The following TAF4 variants were observed in gnomAD, a reference collection of about 807,000 sequenced individuals.
The protein encoded by TAF4 is transcription initiation factor TFIID subunit 4.
Under a neutral mutation model 90.3 loss-of-function variants are expected in TAF4, and 9 were observed. The ratio of observed to expected loss-of-function variants is 0.10; its 90% CI spans 0.06 to 0.17. The LOEUF is 0.17. Ranked by LOEUF, TAF4 falls within the 10% of genes least tolerant of loss-of-function variation. The pLI, the probability that TAF4 is intolerant of heterozygous loss-of-function variation, is 1.00. For missense variants in TAF4, 1,351 were observed against 1,370.7 expected, an observed-to-expected ratio of 0.99 and a Z score of 0.23; for synonymous variants, 818 against 638.9, an observed-to-expected ratio of 1.28 and a Z score of -4.23.
At chr20:62,000,098 G>A (rs192906108) in intron 11 of TAF4, 26 bp downstream of exon 11, 24 of 1,614,168 alleles carry the variant, frequency 1.5e-5, no homozygotes, top group African/African-American at 5.3e-5. Flanking sequence ...ACATAAAGAC[G>A]CTCTCCTCGG....
chr20:62,007,510 C>T (rs1297799014), intron 6 of TAF4, 37 bp downstream of exon 6: 1 of 1,599,228 alleles, frequency 6.3e-7, no homozygotes, highest in South Asian at 1.1e-5. Context: ...CCCTCCCTGG[C>T]CCTACTGCTC....
intron 14 of TAF4, among the ~76,000 whole-genome samples, chr20:61,983,660 C>A (rs948381711): frequency 6.6e-6 from 1 of 152,036 alleles, no homozygotes; most frequent in Non-Finnish European, 1.5e-5. Context: ...GAAACCATGT[C>A]TCAAAAGATA....
chr20:62,028,542 G>T (rs1049664476), intron 1 of TAF4, among the ~76,000 whole-genome samples: 1 of 152,150 alleles, frequency 6.6e-6, no homozygotes, highest in Non-Finnish European at 1.5e-5. Context: ...GAACCATCCC[G>T]AGAACACTGC....
intron 9 of TAF4, 143 bp from the exon 10 acceptor site, chr20:62,000,864 T>A (rs770943775): frequency 1.8e-5 from 14 of 787,232 alleles, no homozygotes; most frequent in Non-Finnish European, 2.6e-5. Context: ...CTGCACCTGC[T>A]GCATCTGCCA....
In TAF4 at chr20:61,984,476, G is replaced by A. The variant is rs115000327; in HGVS notation, c.3091-8141C>T. On this transcript the variant is annotated intron_variant, in intron 14 of 14. Coordinates refer to ENST00000252996, the MANE Select transcript of TAF4 (RefSeq NM_003185.4). ...TGATGGCATCACCTGTCACCGTGTC[G>A]ACAGCCCAGATGTGCACACGAGAGA... 8.4e-3 allele frequency among the ~76,000 whole-genome samples: 1,282 copies of A among 152,156 alleles called. 25 individuals carry two copies. Among genetic ancestry groups the A allele is most frequent in the African/African-American group, 0.029 (1,218 of 41,452 alleles).
intron 1 of TAF4, among the ~76,000 whole-genome samples, chr20:62,056,493 T>C (rs1238650258): frequency 6.6e-6 from 1 of 152,072 alleles, no homozygotes; most frequent in African/African-American, 2.4e-5. Flanking sequence ...CACACACAGT[T>C]AGACATGAAG....
At chr20:62,046,775 T>C (rs1280367090) in intron 1 of TAF4, among the ~76,000 whole-genome samples, 3 of 152,230 alleles carry the variant, frequency 2.0e-5, no homozygotes, top group Non-Finnish European at 4.4e-5. Context: ...TAGGTGGGTG[T>C]GTTATCAGCC....
intron 1 of TAF4, among the ~76,000 whole-genome samples, chr20:62,027,236 C>T (rs771187189): frequency 5.3e-5 from 8 of 152,152 alleles, no homozygotes; most frequent in Non-Finnish European, 1.0e-4. Context: ...AAGCCAGCCT[C>T]GCAGCCCTGA....
chr20:62,014,019 GGT>G (rs56759835), intron 2 of TAF4, among the ~76,000 whole-genome samples: 3,109 of 126,160 alleles, frequency 0.025, 114 homozygotes, highest in African/African-American at 0.097. Flanking sequence ...CGGGGGTGTG[GGT>G]GTGTGTGTGT....
intron 2 of TAF4, among the ~76,000 whole-genome samples, chr20:62,014,022 GTGTGTGT>G (rs2055797274): frequency 1.6e-4 from 14 of 88,648 alleles, no homozygotes; most frequent in Admixed American, 3.3e-4. Context: ...GGGTGTGGGT[GTGTGTGT>G]GTGTGTGTGT....
chr20:61,990,290 T>G (rs2055623387), intron 14 of TAF4, among the ~76,000 whole-genome samples: 1 of 152,194 alleles, frequency 6.6e-6, no homozygotes, highest in Admixed American at 6.5e-5. Flanking sequence ...TGCACGGAGC[T>G]CCTTACTCTG....
intron 1 of TAF4, among the ~76,000 whole-genome samples, chr20:62,062,609 G>A (rs1459675433): frequency 6.6e-6 from 1 of 152,094 alleles, no homozygotes; most frequent in Non-Finnish European, 1.5e-5. Flanking sequence ...CAGGAATCAC[G>A]CACAGTCAAC....
chr20:62,018,665 A>C (rs1443031427), intron 1 of TAF4, among the ~76,000 whole-genome samples: 1 of 152,204 alleles, frequency 6.6e-6, no homozygotes, highest in African/African-American at 2.4e-5. Flanking sequence ...GTCCCCACCC[A>C]GGTCTTTGTG....
rs373653482 is a variant in TAF4 at position 61,977,522 on chromosome 20, G to A, written c.3091-1187C>T. On this transcript the variant is annotated intron_variant, in intron 14 of 14. Transcript: ENST00000252996. ...TGCCGTCCTTCCTCCCCCCTTCCCC[G>A]TTCTGCCACTTTCAGTTCAGGCTGG... is the stretch of plus-strand genomic sequence containing the variant. Among the ~76,000 whole-genome samples, 93 of 151,790 alleles carry A rather than the reference G, an allele frequency of 6.1e-4. No homozygotes were observed. In the East Asian group the frequency reaches 8.0e-3, roughly 13 times the overall value.
chr20:61,976,470 C>T lies in TAF4; in HGVS notation c.3091-135G>A, dbSNP rs550452929. The stretch of plus-strand genomic sequence containing the variant: ...GCACGGGCTCCTTCCGGTAGGCCCA[C>T]AGCTGGAGCTGGGGTGCTGTCCAGG... On this transcript the variant is annotated intron_variant, in intron 14 of 14. Coordinates refer to ENST00000252996, the MANE Select transcript of TAF4 (RefSeq NM_003185.4). 7.8e-6 allele frequency: 8 copies of T among 1,023,990 alleles called. No homozygotes were observed. In the South Asian group the frequency reaches 1.0e-4, roughly 13 times the overall value. 63.4% of individuals were successfully genotyped at this position (1,023,990 alleles called of 1,614,324 possible). A position where few individuals can be genotyped will look rare whatever the true frequency, so the allele number is the denominator to read the frequency against.
At chr20:62,056,353 C>G (rs979021741) in intron 1 of TAF4, among the ~76,000 whole-genome samples, 3 of 152,222 alleles carry the variant, frequency 2.0e-5, no homozygotes, top group Admixed American at 6.5e-5. Context: ...CAACTTAAAA[C>G]TAGACACGAT....
intron 1 of TAF4, among the ~76,000 whole-genome samples, chr20:62,055,565 A>G (rs1385693070): frequency 6.6e-6 from 1 of 152,170 alleles, no homozygotes; most frequent in Non-Finnish European, 1.5e-5. Flanking sequence ...CCTGTGATAC[A>G]ATCAATTCAC....
intron 1 of TAF4, among the ~76,000 whole-genome samples, chr20:62,015,109 C>T (rs2055805273): frequency 6.6e-6 from 1 of 152,202 alleles, no homozygotes; most frequent in South Asian, 2.1e-4. Context: ...GCCTAGAGGG[C>T]ACAACCATGT....
chr20:62,000,314 G>A (rs780423836), intron 10 of TAF4, 60 bp from the exon 11 acceptor site: 72 of 1,579,542 alleles, frequency 4.6e-5, no homozygotes, highest in Admixed American at 4.3e-4. Context: ...CTTTCTTTAC[G>A]GCTAATCTCT....
Sources: gnomAD v4.1 joint callset for allele counts (sites outside exome capture counted in the v4.1 genomes callset) on GRCh38, gnomAD v4.1.1 for gene constraint, MANE v1.5 for transcripts, NCBI Gene and HGNC (gene_info 2026-07-23, HGNC 2026-07-21) for gene names.